OPN5: variants seen among roughly 807,000 people sequenced by gnomAD.
OPN5 encodes opsin 5, also known as opsin-5.
OPN5 carries 18 observed loss-of-function variants against 41.7 expected under a neutral mutation model. The observed-to-expected ratio is 0.43, with a 90% CI of 0.30 to 0.64. The LOEUF is 0.64. Ranked by LOEUF, OPN5 falls within the 30% of genes least tolerant of loss-of-function variation. OPN5 has a pLI of 0.13. For missense variants in OPN5, 318 were observed against 434.5 expected (o/e 0.73, Z 2.38); for synonymous variants, 178 against 164.3 (o/e 1.08, Z -0.64).
exon 1 of OPN5, chr6:47,782,140 C>A: frequency 1.2e-6 from 2 of 1,613,634 alleles, no homozygotes; most frequent in East Asian, 4.5e-5. Flanking sequence ...GATCCTTTTG[C>A]TTCCAAACTT....
Position 47,808,185 on chromosome 6 carries a change from T to C in OPN5, c.788T>C (p.Ile263Thr), listed in dbSNP as rs547953463. The change falls in exon 5 of 7, where the codon ATT becomes ACT. Residue 263 changes from isoleucine to threonine, a missense_variant. This residue lies in a region of OPN5 where 219 missense variants were observed against 343.4 expected (regional missense o/e 0.64). Transcript: ENST00000371211. ...ATGTTGATTTGTGCTGGATTCCTGA[T>C]TGCCTGGATTCCTTATGCAGTGGTG... 2.5e-6 allele frequency: 4 copies of C among 1,613,610 alleles called. No individual in the cohort carries two copies. The South Asian group carries it at 4.4e-5, about 18-fold the overall frequency.
rs185685048 is a variant in OPN5 at position 47,799,750 on chromosome 6, G to A, written c.756+4187G>A. The stretch of plus-strand genomic sequence containing the variant: ...GGGCCTTTGGTGTTCAGCTCAGTGG[G>A]GTAGGTTCAGGACACCTTCTCAGGG... On this transcript the variant is annotated intron_variant, in intron 4 of 6. Coordinates refer to ENST00000371211, the Ensembl canonical transcript of OPN5. 2.4e-4 allele frequency among the ~76,000 whole-genome samples: 36 copies of A among 152,208 alleles called. No individual in the cohort carries two copies. In the East Asian group the frequency reaches 5.8e-3, roughly 25 times the overall value.
At chr6:47,793,915 T>A in intron 3 of OPN5, 1 of 304,830 alleles carries the variant, frequency 3.3e-6, no homozygotes, top group Non-Finnish European at 4.8e-6. Flanking sequence ...ATATTGTGGC[T>A]ACATGATTGC....
chr6:47,816,026 T>A (rs1762418962), intron 6 of OPN5, among the ~76,000 whole-genome samples: 1 of 152,168 alleles, frequency 6.6e-6, no homozygotes, highest in East Asian at 1.9e-4. Flanking sequence ...TTAAAACATA[T>A]GTGAGAGAAA....
chr6:47,791,712 T>A, intron 2 of OPN5, 90 bp from the exon 3 acceptor site: 2 of 1,021,428 alleles, frequency 2.0e-6, no homozygotes, highest in Non-Finnish European at 3.0e-6. Flanking sequence ...TGTGTCCCCG[T>A]GCTTTAGGGG....
At chr6:47,800,224 A>T (rs9381615) in intron 4 of OPN5, among the ~76,000 whole-genome samples, 62,820 of 152,030 alleles carry the variant, frequency 0.41, 14,525 homozygotes, top group East Asian at 0.77. Context: ...CAGCCATGCC[A>T]GATGGGAAAT....
chr6:47,788,807 G>GGA (rs1019811138), intron 2 of OPN5, among the ~76,000 whole-genome samples: 3 of 147,782 alleles, frequency 2.0e-5, no homozygotes, highest in Non-Finnish European at 4.5e-5. Flanking sequence ...GGATAACCTG[G>GGA]GGGGGGGCGG....
intron 6 of OPN5, among the ~76,000 whole-genome samples, chr6:47,822,071 C>T (rs368416622): frequency 7.9e-4 from 119 of 150,616 alleles, no homozygotes; most frequent in Non-Finnish European, 8.8e-4. Flanking sequence ...GAGATGGCGC[C>T]GCTGCCCTCC....
intron 1 of OPN5, 127 bp downstream of exon 1, chr6:47,782,323 C>A: frequency 1.3e-6 from 1 of 787,156 alleles, no homozygotes; most frequent in Non-Finnish European, 2.0e-6. Flanking sequence ...TGGGGAAAGG[C>A]AGAAGATGGA....
chr6:47,782,297 T>C (rs1400574305), intron 1 of OPN5, 101 bp downstream of exon 1: 6 of 1,131,008 alleles, frequency 5.3e-6, no homozygotes, highest in Non-Finnish European at 7.7e-6. Context: ...GTGGATAGTT[T>C]AGTGGAGGCG....
intron 4 of OPN5, among the ~76,000 whole-genome samples, chr6:47,805,076 G>A (rs1281319571): frequency 6.6e-6 from 1 of 152,210 alleles, no homozygotes; most frequent in Non-Finnish European, 1.5e-5. Context: ...ATCTGCTAAA[G>A]CAAGCTTTAT....
At chr6:47,797,791 C>A (rs1773624831) in intron 4 of OPN5, among the ~76,000 whole-genome samples, 1 of 152,194 alleles carries the variant, frequency 6.6e-6, no homozygotes, top group African/African-American at 2.4e-5. Flanking sequence ...TCCTGATTGC[C>A]ATGAGGCTCT....
intron 6 of OPN5, among the ~76,000 whole-genome samples, chr6:47,812,853 C>T (rs1258068495): frequency 6.6e-6 from 1 of 152,020 alleles, no homozygotes; most frequent in African/African-American, 2.4e-5. Flanking sequence ...AGAGGGTGGC[C>T]CCTCTCACAC....
chr6:47,782,287 G>A, intron 1 of OPN5, 91 bp downstream of exon 1: 1 of 1,301,436 alleles, frequency 7.7e-7, no homozygotes, highest in Non-Finnish European at 1.1e-6. Flanking sequence ...TGATACTTAA[G>A]TGGATAGTTT....
At chr6:47,817,468 C>T (rs930828468) in intron 6 of OPN5, among the ~76,000 whole-genome samples, 2 of 151,914 alleles carry the variant, frequency 1.3e-5, no homozygotes, top group African/African-American at 2.4e-5. Flanking sequence ...AGTTTAAACT[C>T]GTTAATGTCT....
chr6:47,806,629 C>T (rs1332183302), intron 4 of OPN5, among the ~76,000 whole-genome samples: 1 of 152,142 alleles, frequency 6.6e-6, no homozygotes, highest in East Asian at 1.9e-4. Context: ...ATCATATTTC[C>T]TGCTCAAAAA....
At chr6:47,811,259 G>A (rs1774189386) in intron 5 of OPN5, among the ~76,000 whole-genome samples, 1 of 152,132 alleles carries the variant, frequency 6.6e-6, no homozygotes, top group Non-Finnish European at 1.5e-5. Context: ...GATAACAAGG[G>A]AGAACAAAGC....
At chr6:47,816,974 A>G (rs899297440) in intron 6 of OPN5, among the ~76,000 whole-genome samples, 2 of 152,186 alleles carry the variant, frequency 1.3e-5, no homozygotes, top group African/African-American at 2.4e-5. Context: ...TCTGGTCACC[A>G]TAGATCTGGG....
intron 4 of OPN5, among the ~76,000 whole-genome samples, chr6:47,796,306 A>G (rs1033033402): frequency 1.3e-5 from 2 of 152,216 alleles, no homozygotes; most frequent in African/African-American, 2.4e-5. Context: ...GATAAAGTAT[A>G]TTATTCTGTC....
Sources: gnomAD v4.1 joint callset for allele counts (sites outside exome capture counted in the v4.1 genomes callset) on GRCh38, gnomAD v4.1.1 for gene constraint, gnomAD v4.1.1 regional missense constraint, MANE v1.5 for transcripts, NCBI Gene and HGNC (gene_info 2026-07-23, HGNC 2026-07-21) for gene names.